DHRS9: variants seen among roughly 807,000 people sequenced by gnomAD.
The protein encoded by DHRS9 is dehydrogenase/reductase 9.
DHRS9 carries 18 observed loss-of-function variants against 26.6 expected under a neutral mutation model. The observed-to-expected ratio is 0.68, with a 90% CI of 0.47 to 1.00. The LOEUF is 1.00. Ranked by LOEUF, DHRS9 falls within the 50% of genes least tolerant of loss-of-function variation. The pLI is 0.00. For missense variants in DHRS9, 425 were observed against 378.7 expected (o/e 1.12, Z -1.01); for synonymous variants, 134 against 141.1 (o/e 0.95, Z 0.36).
intron 1 of DHRS9, chr2:169,070,919 C>T (rs1470559623): frequency 1.9e-5 from 4 of 208,616 alleles, no homozygotes; most frequent in Non-Finnish European, 2.5e-5. Context: ...AAAAAATTAG[C>T]TAGGCGTGGC....
rs554482734 is a variant in DHRS9 at position 169,079,230 on chromosome 2, T to A, written c.-59-2293T>A. On this transcript the variant is annotated intron_variant, in intron 1 of 4. Coordinates refer to ENST00000674881, the MANE Select transcript of DHRS9 (RefSeq NM_001376924.1). The stretch of plus-strand genomic sequence containing the variant: ...AAAGATAAAAGCAGAGCCCGAAATT[T>A]TCTTGAGAAGTGAAGAAGACATTAC... 1.7e-4 allele frequency among the ~76,000 whole-genome samples: 26 copies of A among 152,278 alleles called. No homozygotes were observed. In the South Asian group the frequency reaches 5.4e-3, roughly 32 times the overall value.
chr2:169,071,097 A>T (rs1683792620), intron 1 of DHRS9, among the ~76,000 whole-genome samples: 2 of 151,914 alleles, frequency 1.3e-5, no homozygotes, highest in Admixed American at 1.3e-4. Flanking sequence ...AAAAACTCAG[A>T]CCTTTTCTTC....
intron 2 of DHRS9, 88 bp downstream of exon 2, chr2:169,081,982 T>C (rs1684207171): frequency 7.5e-7 from 1 of 1,328,242 alleles, no homozygotes. Context: ...AAGTTTTAAA[T>C]GGCCTTTCGA....
chr2:169,072,781 G>C, intron 1 of DHRS9: 3 of 363,416 alleles, frequency 8.3e-6, no homozygotes, highest in Non-Finnish European at 1.1e-5. Context: ...TGTGCCTGCT[G>C]TCGACTGATA....
intron 3 of DHRS9, among the ~76,000 whole-genome samples, chr2:169,091,224 TATAAAATAAA>T (rs56686443): frequency 0.11 from 12,983 of 120,956 alleles, 785 homozygotes; most frequent in South Asian, 0.15. Context: ...TGCAGCATGA[TATAAAATAAA>T]ATAAAATAAA....
intron 3 of DHRS9, among the ~76,000 whole-genome samples, chr2:169,091,213 C>T (rs1424484459): frequency 6.7e-6 from 1 of 148,400 alleles, no homozygotes; most frequent in African/African-American, 2.5e-5. Flanking sequence ...TAGTTTTCTG[C>T]TGCAGCATGA....
At chr2:169,070,115 C>G in intron 1 of DHRS9, 3 of 985,366 alleles carry the variant, frequency 3.0e-6, no homozygotes, top group Non-Finnish European at 2.4e-6. Context: ...GCAGCAGATT[C>G]TCTGTCAACT....
At chr2:169,067,976 C>CT (rs1346968230), upstream of DHRS9, among the ~76,000 whole-genome samples, 3 of 152,288 alleles carry the variant, frequency 2.0e-5, no homozygotes, top group East Asian at 3.9e-4. Context: ...AAACATTTGA[C>CT]TTTTTTTAAG....
intron 1 of DHRS9, among the ~76,000 whole-genome samples, chr2:169,073,227 G>A (rs1178977072): frequency 6.6e-6 from 1 of 152,214 alleles, no homozygotes; most frequent in Non-Finnish European, 1.5e-5. Context: ...TGGGAATACA[G>A]ACTGCAGTGG....
At chr2:169,085,856 A>C (rs780691679) in intron 3 of DHRS9, among the ~76,000 whole-genome samples, 13 of 152,126 alleles carry the variant, frequency 8.5e-5, no homozygotes, top group Admixed American at 2.0e-4. Context: ...ATTGGGTTGG[A>C]GCTCCATTGT....
At chr2:169,069,318 T>C (rs1683733332), upstream of DHRS9, 1 of 632,326 alleles carries the variant, frequency 1.6e-6, no homozygotes, top group Non-Finnish European at 2.0e-6. Flanking sequence ...ATTTCTTTGT[T>C]ATATTATTTC....
chr2:169,089,900 G>A (rs1045441215), intron 3 of DHRS9, among the ~76,000 whole-genome samples: 1 of 152,020 alleles, frequency 6.6e-6, no homozygotes, highest in Non-Finnish European at 1.5e-5. Flanking sequence ...TGAGTAGCAA[G>A]GTCATAAAAA....
At chr2:169,087,707 G>A (rs1266542909) in intron 3 of DHRS9, among the ~76,000 whole-genome samples, 3 of 152,118 alleles carry the variant, frequency 2.0e-5, no homozygotes, top group Non-Finnish European at 4.4e-5. Flanking sequence ...AGCAGGTAAT[G>A]AATTTTGCTA....
intron 4 of DHRS9, 152 bp downstream of exon 4, chr2:169,092,105 C>A: frequency 1.1e-6 from 1 of 915,796 alleles, no homozygotes; most frequent in Non-Finnish European, 1.6e-6. Flanking sequence ...ATTTCAGTGT[C>A]ATCTCTTGCT....
intron 1 of DHRS9, among the ~76,000 whole-genome samples, chr2:169,077,389 GTTTAT>G (rs1683995136): frequency 6.6e-6 from 1 of 152,102 alleles, no homozygotes; most frequent in Admixed American, 6.5e-5. Context: ...ATATTTATAA[GTTTAT>G]TTTATTAACA....
intron 4 of DHRS9, among the ~76,000 whole-genome samples, chr2:169,094,463 T>TTTGTG (rs759591967): frequency 8.5e-5 from 13 of 152,068 alleles, no homozygotes; most frequent in Admixed American, 5.2e-4. Context: ...GTTGTTTAGC[T>TTTGTG]TTGTGTTTTT....
chr2:169,084,395 A>G (rs551670093), intron 3 of DHRS9, among the ~76,000 whole-genome samples: 12 of 152,210 alleles, frequency 7.9e-5, no homozygotes, highest in African/African-American at 2.9e-4. Context: ...CTCAATTTTT[A>G]GTTTTTTGAG....
chr2:169,091,453 G>C (rs1684521923), intron 3 of DHRS9, among the ~76,000 whole-genome samples: 1 of 152,054 alleles, frequency 6.6e-6, no homozygotes, highest in East Asian at 1.9e-4. Flanking sequence ...TTCACCATAA[G>C]GTGGTTTAAG....
At chr2:169,084,199 C>T (rs997938556) in intron 3 of DHRS9, among the ~76,000 whole-genome samples, 10 of 152,140 alleles carry the variant, frequency 6.6e-5, no homozygotes, top group African/African-American at 2.4e-4. Context: ...AATAGTACTC[C>T]ATTGTATATA....
Sources: allele counts gnomAD v4.1 joint callset (sites outside exome capture counted in the v4.1 genomes callset), GRCh38; gene constraint gnomAD v4.1.1; transcripts MANE v1.5; gene names NCBI Gene and HGNC (gene_info 2026-07-23, HGNC 2026-07-21).